HLCS: variants seen among roughly 807,000 people sequenced by gnomAD.
HLCS encodes holocarboxylase synthetase.
HLCS carries 53 observed loss-of-function variants against 75.0 expected under a neutral mutation model. The observed-to-expected ratio is 0.71, with a 90% confidence interval of 0.57 to 0.89. The LOEUF is 0.89. HLCS is among the 40% of genes least tolerant of loss of function. The pLI, the probability that HLCS is intolerant of heterozygous loss-of-function variation, is 0.00. For missense variants in HLCS, 966 were observed against 1,074.0 expected (o/e 0.90, Z 1.41); for synonymous variants, 431 against 428.6 (o/e 1.01, Z -0.07).
chr21:36,896,807 T>C (rs1051102631), intron 6 of HLCS, 53 bp downstream of exon 6: 2 of 1,592,324 alleles, frequency 1.3e-6, no homozygotes, highest in African/African-American at 2.7e-5. Context: ...TAAGAGAGGA[T>C]GATCAATGGA....
chr21:36,813,725 C>A (rs916886102), intron 6 of HLCS, among the ~76,000 whole-genome samples: 21 of 152,174 alleles, frequency 1.4e-4, no homozygotes, highest in Non-Finnish European at 2.8e-4. Flanking sequence ...ATCTGAGTTT[C>A]ATTGCTTTGG....
At chr21:36,883,664 G>C (rs1430082874) in intron 6 of HLCS, among the ~76,000 whole-genome samples, 1 of 152,152 alleles carries the variant, frequency 6.6e-6, no homozygotes, top group East Asian at 1.9e-4. Flanking sequence ...GCTATCAGCA[G>C]CGCTGTGTGG....
At chr21:36,775,473 A>C (rs182356799) in intron 6 of HLCS, among the ~76,000 whole-genome samples, 35 of 152,338 alleles carry the variant, frequency 2.3e-4, no homozygotes, top group Non-Finnish European at 4.6e-4. Context: ...ATGAGCAAAG[A>C]AGCTTGCATA....
intron 2 of HLCS, among the ~76,000 whole-genome samples, chr21:36,940,683 T>C (rs1052372866): frequency 2.6e-5 from 4 of 152,208 alleles, no homozygotes; most frequent in Non-Finnish European, 5.9e-5. Flanking sequence ...GACACGCCAC[T>C]TCTGCCCCCA....
chr21:36,884,285 T>C (rs866668565), intron 6 of HLCS, among the ~76,000 whole-genome samples: 62 of 152,190 alleles, frequency 4.1e-4, no homozygotes, highest in African/African-American at 1.5e-3. Context: ...CCCTTACCAA[T>C]CTCCTACAAA....
chr21:36,956,281 G>T (rs186676177), intron 2 of HLCS, among the ~76,000 whole-genome samples: 39 of 152,274 alleles, frequency 2.6e-4, no homozygotes, highest in African/African-American at 6.7e-4. Flanking sequence ...AGTTCTAGCG[G>T]TGAGTTCATG....
At chr21:36,818,612 C>T (rs745383420) in intron 6 of HLCS, among the ~76,000 whole-genome samples, 3 of 152,138 alleles carry the variant, frequency 2.0e-5, no homozygotes, top group Non-Finnish European at 4.4e-5. Context: ...TATGTGCCTA[C>T]GCTGGGGGAG....
At chr21:36,962,635 C>T (rs1331109953) in intron 1 of HLCS, among the ~76,000 whole-genome samples, 1 of 151,560 alleles carries the variant, frequency 6.6e-6, no homozygotes, top group Non-Finnish European at 1.5e-5. Flanking sequence ...AAAAAACATA[C>T]CAAAAAAATG....
chr21:36,758,983 C>CA (rs376622742), intron 9 of HLCS, among the ~76,000 whole-genome samples: 1,913 of 131,316 alleles, frequency 0.015, 31 homozygotes, highest in African/African-American at 0.042. Flanking sequence ...GACTCCATTT[C>CA]AAAAAAAAAA....
chr21:36,973,184 C>G (rs796803238), intron 1 of HLCS, among the ~76,000 whole-genome samples: 2 of 149,084 alleles, frequency 1.3e-5, no homozygotes, highest in Non-Finnish European at 3.0e-5. Flanking sequence ...GAGCTGTGAT[C>G]GCACCACTGG....
At chr21:36,847,920 G>C (rs959892919) in intron 6 of HLCS, among the ~76,000 whole-genome samples, 5 of 151,852 alleles carry the variant, frequency 3.3e-5, no homozygotes, top group Non-Finnish European at 5.9e-5. Flanking sequence ...TTTACTTTTC[G>C]AAAACAAAAT....
At chr21:36,942,732 CCTA>C (rs2067205714) in intron 2 of HLCS, among the ~76,000 whole-genome samples, 1 of 151,934 alleles carries the variant, frequency 6.6e-6, no homozygotes, top group Admixed American at 6.6e-5. Context: ...TATAAGAACT[CCTA>C]CAACTCAACA....
chr21:36,959,705 A>ACTACCAGCTGCAGAAAGGAG (rs1215060809), intron 2 of HLCS, among the ~76,000 whole-genome samples: 4 of 152,172 alleles, frequency 2.6e-5, no homozygotes, highest in Non-Finnish European at 5.9e-5. Flanking sequence ...AGAGGCTGGG[A>ACTACCAGCTGCAGAAAGGAG]CTACCAGCTG....
chr21:36,858,532 T>A (rs1185920565), intron 6 of HLCS, among the ~76,000 whole-genome samples: 1 of 152,252 alleles, frequency 6.6e-6, no homozygotes, highest in Non-Finnish European at 1.5e-5. Context: ...TTACCGTGCC[T>A]CTGTGTCATC....
At chr21:36,784,252 C>A (rs2060620977) in intron 6 of HLCS, among the ~76,000 whole-genome samples, 1 of 151,614 alleles carries the variant, frequency 6.6e-6, no homozygotes, top group African/African-American at 2.4e-5. Context: ...TCTTCTGACT[C>A]ACTAGGAAAG....
intron 6 of HLCS, among the ~76,000 whole-genome samples, chr21:36,820,993 T>C (rs1038643511): frequency 1.3e-5 from 2 of 152,128 alleles, no homozygotes; most frequent in African/African-American, 2.4e-5. Flanking sequence ...CCCTAGCGCC[T>C]GGGACGTGAG....
At chr21:36,797,414 T>C (rs1380707457) in intron 6 of HLCS, among the ~76,000 whole-genome samples, 1 of 151,888 alleles carries the variant, frequency 6.6e-6, no homozygotes, top group Non-Finnish European at 1.5e-5. Context: ...TTAAAATTAA[T>C]ATAATAAAAA....
chr21:36,760,554 G>A (rs1018653041), intron 8 of HLCS, among the ~76,000 whole-genome samples: 3 of 151,352 alleles, frequency 2.0e-5, no homozygotes, highest in Admixed American at 6.6e-5. Flanking sequence ...AGGTTGCAGC[G>A]AGCCGAGATC....
chr21:36,929,222 T>A (rs1248897749), intron 5 of HLCS, among the ~76,000 whole-genome samples: 1 of 152,184 alleles, frequency 6.6e-6, no homozygotes, highest in African/African-American at 2.4e-5. Context: ...CAGGGAGCTC[T>A]GCCAAGGGCA....
Sources: gnomAD v4.1 joint callset for allele counts (sites outside exome capture counted in the v4.1 genomes callset) on GRCh38, gnomAD v4.1.1 for gene constraint, MANE v1.5 for transcripts, NCBI Gene and HGNC (gene_info 2026-07-23, HGNC 2026-07-21) for gene names.